The following LITAF variants were observed in gnomAD, a reference collection of about 807,000 sequenced individuals.
LITAF encodes lipopolysaccharide induced TNF factor.
In LITAF, 9 loss-of-function variants were observed where a neutral mutation model predicts 14.5. That is an observed-to-expected ratio of 0.62 (90% CI 0.37 to 1.08). The LOEUF is 1.08. Among genes scored for constraint, LITAF ranks in the 50% least tolerant of loss-of-function variants. The probability of loss-of-function intolerance (pLI) is 0.01; values close to 1 mark genes in which losing one functional copy is unlikely to be tolerated. For missense variants in LITAF, 206 were observed against 213.4 expected (o/e 0.97, Z 0.22); for synonymous variants, 98 against 88.2 (o/e 1.11, Z -0.62).
intron 3 of LITAF, among the ~76,000 whole-genome samples, chr16:11,630,175 T>C (rs1004981514): frequency 7.9e-5 from 12 of 152,086 alleles, no homozygotes; most frequent in Non-Finnish European, 1.6e-4. Context: ...TCCAAACCTC[T>C]GTGTTTGGGA....
At chr16:11,616,286 C>A (rs2065019329) in intron 3 of LITAF, among the ~76,000 whole-genome samples, 1 of 152,088 alleles carries the variant, frequency 6.6e-6, no homozygotes, top group Non-Finnish European at 1.5e-5. Flanking sequence ...CCAGCCTGGG[C>A]AACATGGCAA....
intron 3 of LITAF, among the ~76,000 whole-genome samples, chr16:11,619,006 C>G (rs937102049): frequency 4.7e-5 from 7 of 148,862 alleles, no homozygotes; most frequent in African/African-American, 1.7e-4. Context: ...AACAAACAAA[C>G]AAACAAAAAA....
At chr16:11,609,985 A>T (rs575156696) in intron 3 of LITAF, among the ~76,000 whole-genome samples, 6 of 152,196 alleles carry the variant, frequency 3.9e-5, no homozygotes, top group Admixed American at 3.9e-4. Flanking sequence ...GCACCAAATG[A>T]CCCCAATGAT....
At chr16:11,636,232 G>C (rs1290721256) in intron 1 of LITAF, 1 of 152,138 alleles carries the variant, frequency 6.6e-6, no homozygotes, top group Non-Finnish European at 1.5e-5. Context: ...CGTTGTCTGG[G>C]GTAAATACCC....
At chr16:11,597,438 G>A (rs1431054653) in intron 1 of LITAF, among the ~76,000 whole-genome samples, 1 of 152,086 alleles carries the variant, frequency 6.6e-6, no homozygotes, top group Non-Finnish European at 1.5e-5. Flanking sequence ...TAGGCCACCA[G>A]ACTCCTCTCT....
chr16:11,633,030 T>C (rs1040767762), intron 3 of LITAF, among the ~76,000 whole-genome samples: 2 of 152,138 alleles, frequency 1.3e-5, no homozygotes, highest in African/African-American at 4.8e-5. Context: ...TTGGAGGCCC[T>C]ACTTTGGGGC....
intron 3 of LITAF, among the ~76,000 whole-genome samples, chr16:11,612,329 T>A (rs2064987108): frequency 1.3e-5 from 2 of 152,140 alleles, no homozygotes; most frequent in African/African-American, 4.8e-5. Flanking sequence ...GGCTGCACCG[T>A]CCTCATCATT....
chr16:11,593,797 C>G (rs8061607), intron 1 of LITAF, among the ~76,000 whole-genome samples: 63,995 of 152,024 alleles, frequency 0.42, 14,596 homozygotes, highest in African/African-American at 0.6. Context: ...CCAGAATAGG[C>G]AAATCCATAG....
chr16:11,633,884 A>G (rs563154081), intron 2 of LITAF, among the ~76,000 whole-genome samples: 2 of 152,308 alleles, frequency 1.3e-5, no homozygotes, highest in South Asian at 4.1e-4. Flanking sequence ...CTTTCTGGTA[A>G]CAGTAGTACC....
At position 11,553,809 on chromosome 16, in the gene LITAF, T is replaced by C; in HGVS notation, c.221-120A>G. The C allele has an allele frequency of 8.5e-7, 1 of 1,171,426 alleles. No individual in the cohort carries two copies. The highest frequency in any genetic ancestry group is 2.5e-5 in the East Asian group (1 of 39,670). The allele number at this position is 1,171,426 out of a possible 1,614,324, so 72.6% of individuals were successfully genotyped here. On this transcript the variant is annotated intron_variant, in intron 2 of 3. Transcript: ENST00000622633. The surrounding 1 kb of genome is among the most constrained non-coding windows in gnomAD (Gnocchi z 7.7). ...AAATATTATATTTGTACATTTGTGT[T>C]CATAGCATGCGTTCATCGTCTGGCT...
At chr16:11,593,198 A>G (rs1457740773) in intron 1 of LITAF, among the ~76,000 whole-genome samples, 1 of 151,642 alleles carries the variant, frequency 6.6e-6, no homozygotes, top group Non-Finnish European at 1.5e-5. Flanking sequence ...AAAAATAAAA[A>G]TACAAAAATT....
At position 11,605,081 on chromosome 16, in the gene LITAF, C is replaced by G. The variant is rs560672704; in HGVS notation, c.85+28452G>C. 1.3e-3 allele frequency among the ~76,000 whole-genome samples: 205 copies of G among 152,298 alleles called. 2 individuals are homozygous for G. Among genetic ancestry groups the G allele is most frequent in the African/African-American group, 4.8e-3 (198 of 41,564 alleles). On this transcript the variant is annotated intron_variant, in intron 3 of 3. Coordinates refer to the LITAF transcript ENST00000574848. The surrounding 1 kb of genome is among the most constrained non-coding windows in gnomAD (Gnocchi z 4.7). ...CTGGACGTGGGGCACTTGAATGGGT[C>G]CCTCACCCGTGTGCAGGCCCTCAGG...
rs1237773012 is a variant in LITAF at position 11,548,271 on chromosome 16, C to T, written c.*1366G>A. 4.4e-6 allele frequency: 2 copies of T among 453,946 alleles called. No individual in the cohort carries two copies. The highest frequency in any genetic ancestry group is 4.0e-5 in the African/African-American group (2 of 49,986). 28.1% of individuals were successfully genotyped at this position (453,946 alleles called of 1,614,324 possible). A position where few individuals can be genotyped will look rare whatever the true frequency, so the allele number is the denominator to read the frequency against. ...AAGGTCGAGCCCAGCTTTGTCTTGA[C>T]TTCAAAGATGACACAGCAGCCAACC... On this transcript the variant is annotated 3_prime_UTR_variant, in exon 4 of 4. Transcript: ENST00000622633.
At chr16:11,637,152 C>T (rs913854254), upstream of LITAF, among the ~76,000 whole-genome samples, 1 of 152,208 alleles carries the variant, frequency 6.6e-6, no homozygotes, top group Non-Finnish European at 1.5e-5. Context: ...CGGCCTCCCA[C>T]AGTGCTATGA....
In LITAF at chr16:11,634,299, T is replaced by G. The variant is rs1201397421; in HGVS notation, c.-20-662A>C. ...CAAACTAACTCTGGGGAACATTTAG[T>G]TTACAGTTTAAGTGATACTTTTGTT... is the stretch of plus-strand genomic sequence containing the variant. On this transcript the variant is annotated intron_variant, in intron 2 of 3. Transcript: ENST00000574848. The surrounding 1 kb of genome is among the most constrained non-coding windows in gnomAD (Gnocchi z 4.1). Among the ~76,000 whole-genome samples the G allele has an allele frequency of 1.3e-5, 2 of 152,168 alleles. No homozygotes were observed. The highest frequency in any genetic ancestry group is 2.9e-5 in the Non-Finnish European group (2 of 68,048).
upstream of LITAF, among the ~76,000 whole-genome samples, chr16:11,601,901 C>T (rs1026651049): frequency 6.6e-6 from 1 of 152,210 alleles, no homozygotes. Flanking sequence ...GAATCTACCA[C>T]ATGGATGTGC....
upstream of LITAF, among the ~76,000 whole-genome samples, chr16:11,600,882 G>A (rs1221695070): frequency 6.6e-6 from 1 of 151,842 alleles, no homozygotes; most frequent in Non-Finnish European, 1.5e-5. The surrounding 1 kb of genome is among the most constrained non-coding windows in gnomAD (Gnocchi z 4.1). Context: ...CATTCTTCTC[G>A]GGCATGGTAC....
intron 3 of LITAF, among the ~76,000 whole-genome samples, chr16:11,611,233 C>T (rs2064980627): frequency 1.3e-5 from 2 of 152,106 alleles, no homozygotes; most frequent in African/African-American, 4.8e-5. Context: ...GTCCCAGCAA[C>T]TCGGGAGGCT....
chr16:11,638,032 C>CTATACATATCTATATATATATCTA (rs2065148235), upstream of LITAF, among the ~76,000 whole-genome samples: 1 of 83,424 alleles, frequency 1.2e-5, no homozygotes, highest in Admixed American at 1.3e-4. Flanking sequence ...ATCTATATAT[C>CTATACATATCTATATATATATCTA]TATATATATC....
Sources: allele counts gnomAD v4.1 joint callset (sites outside exome capture counted in the v4.1 genomes callset), GRCh38; gene constraint gnomAD v4.1.1; non-coding constraint Gnocchi (gnomAD v3.1); transcripts MANE v1.5; gene names NCBI Gene and HGNC (gene_info 2026-07-23, HGNC 2026-07-21).